LRP1B: variants seen among roughly 807,000 people sequenced by gnomAD.
The protein encoded by LRP1B is low-density lipoprotein receptor-related protein 1B.
A neutral mutation model predicts 556.6 loss-of-function variants in LRP1B; 217 were observed. The observed-to-expected ratio is 0.39, with a 90% CI of 0.35 to 0.44. The LOEUF (loss-of-function observed/expected upper bound fraction) is 0.44, where lower values mean the gene tolerates loss of function less well. Ranked by LOEUF, LRP1B falls within the 20% of genes least tolerant of loss-of-function variation. The probability of loss-of-function intolerance (pLI) is 1.00; values close to 1 mark genes in which losing one functional copy is unlikely to be tolerated. For synonymous variants in LRP1B, 2,047 were observed against 1,865.8 expected, an observed-to-expected ratio of 1.10 and a Z score of -2.50; for missense variants, 5,053 against 5,620.8, an observed-to-expected ratio of 0.90 and a Z score of 3.23.
At chr2:141,847,173 C>T (rs912390116) in intron 1 of LRP1B, among the ~76,000 whole-genome samples, 3 of 151,436 alleles carry the variant, frequency 2.0e-5, no homozygotes, top group Non-Finnish European at 4.4e-5. Context: ...TAAAATCACA[C>T]CCGAAACCAA....
chr2:140,537,610 G>A (rs1414955702), intron 45 of LRP1B, among the ~76,000 whole-genome samples: 1 of 152,054 alleles, frequency 6.6e-6, no homozygotes, highest in Non-Finnish European at 1.5e-5. Context: ...GGAATCAGTG[G>A]GATGAGGTGC....
chr2:141,590,672 G>C (rs977283361), intron 2 of LRP1B, among the ~76,000 whole-genome samples: 1 of 152,108 alleles, frequency 6.6e-6, no homozygotes. Context: ...GACAATCCCT[G>C]TCTCCTCCCA....
intron 1 of LRP1B, among the ~76,000 whole-genome samples, chr2:141,950,866 T>C (rs979529757): frequency 2.6e-5 from 4 of 152,146 alleles, no homozygotes; most frequent in Admixed American, 1.3e-4. Flanking sequence ...TCAAGATATA[T>C]TGTATGCCTA....
At chr2:140,480,821 T>C (rs1478340418) in intron 59 of LRP1B, among the ~76,000 whole-genome samples, 1 of 152,158 alleles carries the variant, frequency 6.6e-6, no homozygotes, top group Non-Finnish European at 1.5e-5. Context: ...CTGGTAACGA[T>C]CTAGGCAGCT....
chr2:141,596,296 G>A (rs1217045590), intron 2 of LRP1B, among the ~76,000 whole-genome samples: 1 of 151,884 alleles, frequency 6.6e-6, no homozygotes, highest in East Asian at 1.9e-4. Flanking sequence ...ATCTAAAATT[G>A]AGTTTCTGAA....
chr2:141,035,796 C>A (rs938265880), intron 11 of LRP1B, among the ~76,000 whole-genome samples: 5 of 152,098 alleles, frequency 3.3e-5, no homozygotes, highest in Admixed American at 2.6e-4. Flanking sequence ...ACACTTAAAT[C>A]TTTTTGCATC....
At chr2:142,093,750 A>C (rs1291323452) in intron 1 of LRP1B, among the ~76,000 whole-genome samples, 1 of 152,054 alleles carries the variant, frequency 6.6e-6, no homozygotes, top group Non-Finnish European at 1.5e-5. Flanking sequence ...TTAGCAAAAG[A>C]AAAAAAGATA....
At chr2:140,779,356 G>A (rs746086199) in intron 32 of LRP1B, among the ~76,000 whole-genome samples, 2 of 152,082 alleles carry the variant, frequency 1.3e-5, no homozygotes, top group African/African-American at 2.4e-5. Context: ...AAATTCTTAG[G>A]GGAAATTACA....
intron 2 of LRP1B, among the ~76,000 whole-genome samples, chr2:141,734,430 T>G (rs1693389988): frequency 6.6e-6 from 1 of 151,856 alleles, no homozygotes; most frequent in Admixed American, 6.6e-5. Context: ...ATTTAAAACA[T>G]TCTATGAAAA....
intron 1 of LRP1B, among the ~76,000 whole-genome samples, chr2:141,884,693 C>A (rs1699056133): frequency 6.6e-6 from 1 of 152,176 alleles, no homozygotes. Context: ...TAACATTTGT[C>A]TGGAATGTCA....
rs561086659 is a variant in LRP1B at position 140,717,467 on chromosome 2, G to A, written c.5759-651C>T. Among the ~76,000 whole-genome samples the A allele has an allele frequency of 1.5e-4, 23 of 152,098 alleles. No homozygotes were observed. The South Asian group carries it at 4.8e-3, about 32-fold the overall frequency. The stretch of plus-strand genomic sequence containing the variant: ...CCAAATGGGCTTGAGAATACTTGAA[G>A]AATTGTTCTATGTGATCACAGAGTC... On this transcript the variant is annotated intron_variant, in intron 35 of 90. Transcript: ENST00000389484.
rs1304972333 is a variant in LRP1B, at chr2:140,274,528, G to A, written c.13038C>T (p.Val4346=). 6.2e-7 allele frequency: 1 copy of A among 1,612,206 alleles called. No homozygotes were observed. The highest frequency in any genetic ancestry group is 8.5e-7 in the Non-Finnish European group (1 of 1,178,850). The change falls in exon 85 of 91, where the codon GTC becomes GTT. Residue 4346 remains valine, a synonymous_variant. Transcript: ENST00000389484. ...TTGGTCCTTCATAGCGCGTTGGACAGACACATTCAACACTTCCATCATCCC... is the reference window on the plus strand; with the variant it reads ...TTGGTCCTTCATAGCGCGTTGGACAAACACATTCAACACTTCCATCATCCC... ...TIGDDGSVEC[V]CPTRYEGPKC...
chr2:141,834,855 A>C (rs975879216), intron 1 of LRP1B, among the ~76,000 whole-genome samples: 1 of 151,974 alleles, frequency 6.6e-6, no homozygotes, highest in Non-Finnish European at 1.5e-5. Flanking sequence ...ATAGTTCCAT[A>C]ATCAAGCAAA....
At chr2:141,155,316 CAAT>C (rs1558897896) in intron 7 of LRP1B, among the ~76,000 whole-genome samples, 2 of 151,648 alleles carry the variant, frequency 1.3e-5, no homozygotes, top group African/African-American at 4.8e-5. Context: ...ATAATTCACA[CAAT>C]AATGCTTTAT....
chr2:141,959,645 G>A (rs974034685), intron 1 of LRP1B, among the ~76,000 whole-genome samples: 32 of 151,774 alleles, frequency 2.1e-4, no homozygotes, highest in African/African-American at 7.0e-4. Context: ...ACTTTAAAAT[G>A]TATTTTATTT....
chr2:140,259,246 T>A (rs998338401), intron 86 of LRP1B, among the ~76,000 whole-genome samples: 2 of 152,110 alleles, frequency 1.3e-5, no homozygotes, highest in Admixed American at 1.3e-4. Context: ...TTTCCTCTTA[T>A]TCTCCATCTA....
At chr2:141,225,385 A>C (rs1683206718) in intron 6 of LRP1B, among the ~76,000 whole-genome samples, 1 of 152,188 alleles carries the variant, frequency 6.6e-6, no homozygotes, top group South Asian at 2.1e-4. Flanking sequence ...AGATTAAGTC[A>C]GAAAATATTC....
rs557161689 is a variant in LRP1B at position 141,729,371 on chromosome 2, G to T, written c.205+80908C>A. On this transcript the variant is annotated intron_variant, in intron 2 of 90. Coordinates refer to ENST00000389484, the MANE Select transcript of LRP1B (RefSeq NM_018557.3). ...TGTTTTAGTAATTATCAACATCCTG[G>T]CTTAGGTATTACTGGTTTTGAAGAA... Among the ~76,000 whole-genome samples, 4 of 152,078 alleles carry T rather than the reference G, an allele frequency of 2.6e-5. No individual in the cohort carries two copies. The South Asian group carries it at 8.3e-4, about 32-fold the overall frequency.
At chr2:140,694,797 CTTAT>C (rs1183206497) in intron 41 of LRP1B, among the ~76,000 whole-genome samples, 2 of 151,980 alleles carry the variant, frequency 1.3e-5, no homozygotes, top group Non-Finnish European at 2.9e-5. Flanking sequence ...GAATTAGCAT[CTTAT>C]TTATGCATTA....
Sources: allele counts gnomAD v4.1 joint callset (sites outside exome capture counted in the v4.1 genomes callset), GRCh38; gene constraint gnomAD v4.1.1; transcripts MANE v1.5; gene names NCBI Gene and HGNC (gene_info 2026-07-23, HGNC 2026-07-21).